LITAF: variants seen among roughly 807,000 people sequenced by gnomAD.
LITAF encodes the protein lipopolysaccharide induced TNF factor, also known as lipopolysaccharide-induced tumor necrosis factor-alpha factor.
LITAF carries 9 observed loss-of-function variants against 14.5 expected under a neutral mutation model. The observed-to-expected ratio is 0.62, with a 90% CI of 0.37 to 1.08. The LOEUF is 1.08. Ranked by LOEUF, LITAF falls within the 50% of genes least tolerant of loss-of-function variation. LITAF has a pLI of 0.01. For synonymous variants in LITAF, 98 were observed against 88.2 expected, an observed-to-expected ratio of 1.11 and a Z score of -0.62; for missense variants, 206 against 213.4, an observed-to-expected ratio of 0.97 and a Z score of 0.22.
chr16:11,605,066 G>A lies in LITAF; in HGVS notation c.85+28467C>T, dbSNP rs1356027052. Among the ~76,000 whole-genome samples the A allele has an allele frequency of 2.0e-5, 3 of 152,158 alleles. No individual in the cohort carries two copies. The highest frequency in any genetic ancestry group is 4.8e-5 in the African/African-American group (2 of 41,436). On this transcript the variant is annotated intron_variant, in intron 3 of 3. Coordinates refer to the LITAF transcript ENST00000574848. This position sits in a 1 kb window ranked among gnomAD's most constrained non-coding sequence, Gnocchi z 4.7. The stretch of plus-strand genomic sequence containing the variant: ...CGGCCAGGACCACTGCTGGACGTGG[G>A]GCACTTGAATGGGTCCCTCACCCGT...
chr16:11,588,582 A>T (rs1466094155), upstream of LITAF, among the ~76,000 whole-genome samples: 1 of 133,346 alleles, frequency 7.5e-6, no homozygotes, highest in African/African-American at 2.6e-5. Flanking sequence ...AAGAAAGAGA[A>T]GGAAAGAAGG....
At chr16:11,571,118 A>G (rs1387469566) in intron 1 of LITAF, among the ~76,000 whole-genome samples, 14 of 151,996 alleles carry the variant, frequency 9.2e-5, no homozygotes, top group Non-Finnish European at 8.8e-5. Flanking sequence ...CCCAGGCTGG[A>G]GTGTAGTAGT....
At chr16:11,581,305 T>A (rs1006162337) in intron 1 of LITAF, among the ~76,000 whole-genome samples, 1 of 152,042 alleles carries the variant, frequency 6.6e-6, no homozygotes, top group South Asian at 2.1e-4. Flanking sequence ...TAAGGTGAAA[T>A]GGAATAGGCA....
chr16:11,569,649 CACCCAACTGTT>C (rs1313461730), intron 1 of LITAF, among the ~76,000 whole-genome samples: 3 of 152,190 alleles, frequency 2.0e-5, no homozygotes, highest in Non-Finnish European at 4.4e-5. Flanking sequence ...GTCAACTGAA[CACCCAACTGTT>C]ACTCAGAGTG....
chr16:11,633,265 A>G (rs1597378434), intron 3 of LITAF, among the ~76,000 whole-genome samples: 1 of 152,284 alleles, frequency 6.6e-6, no homozygotes, highest in Middle Eastern at 3.4e-3. Flanking sequence ...CAGGGCTCCA[A>G]TCTCAGCTCT....
At position 11,553,452 on chromosome 16, in the gene LITAF, T is replaced by C; in HGVS notation, c.377+81A>G. 2 of 1,420,460 alleles carry C rather than the reference T, an allele frequency of 1.4e-6. No homozygotes were observed. Among genetic ancestry groups the C allele is most frequent in the South Asian group, 1.2e-5 (1 of 85,444 alleles). The allele number at this position is 1,420,460 out of a possible 1,614,324, so 88.0% of individuals were successfully genotyped here. ...AATGTCTGGCCCTGAATGTCAAGCA[T>C]GGTGCAGTTGAGAACCCACCCCCGC... On this transcript the variant is annotated intron_variant, in intron 3 of 3. Transcript: ENST00000622633. This position sits in a 1 kb window ranked among gnomAD's most constrained non-coding sequence, Gnocchi z 7.7.
At chr16:11,557,384 G>A (rs540070289) in intron 1 of LITAF, among the ~76,000 whole-genome samples, 1 of 152,124 alleles carries the variant, frequency 6.6e-6, no homozygotes, top group Admixed American at 6.6e-5. Context: ...GGTATGTTCA[G>A]TCTGTAAAAA....
chr16:11,597,344 G>A (rs768959056), intron 1 of LITAF, among the ~76,000 whole-genome samples: 3 of 152,136 alleles, frequency 2.0e-5, no homozygotes, highest in African/African-American at 7.2e-5. Flanking sequence ...ACCCACTGGG[G>A]GTGTGGGGAG....
intron 1 of LITAF, among the ~76,000 whole-genome samples, chr16:11,573,997 C>T (rs959568509): frequency 1.9e-4 from 26 of 133,616 alleles, no homozygotes; most frequent in Non-Finnish European, 9.7e-5. Flanking sequence ...CCAAGGTGCC[C>T]GGCGTTTTTT....
At chr16:11,607,119 A>G (rs2064958905) in intron 3 of LITAF, among the ~76,000 whole-genome samples, 1 of 152,204 alleles carries the variant, frequency 6.6e-6, no homozygotes, top group Non-Finnish European at 1.5e-5. Context: ...TTCCACTGCT[A>G]TTCTGAACTG....
chr16:11,612,534 C>A (rs1013497917), intron 3 of LITAF, among the ~76,000 whole-genome samples: 2 of 152,226 alleles, frequency 1.3e-5, no homozygotes, highest in African/African-American at 4.8e-5. Context: ...GAGCAAACTG[C>A]ACTGCATGCG....
At chr16:11,598,963 G>A (rs11075002), upstream of LITAF, among the ~76,000 whole-genome samples, 16,839 of 150,000 alleles carry the variant, frequency 0.11, 1,716 homozygotes, top group African/African-American at 0.27. Flanking sequence ...GGGATTACAG[G>A]CACCCGCCAC....
rs747677993 is a variant in LITAF, at chr16:11,553,956, C to T, written c.221-267G>A. Reference sequence around the variant, plus strand: ...GCCTCAAAAAGAAAGGAGGACCGGGCGCGGTAGCTCATGCCTGTAATCCCA... The same window carrying T: ...GCCTCAAAAAGAAAGGAGGACCGGGTGCGGTAGCTCATGCCTGTAATCCCA... On this transcript the variant is annotated intron_variant, in intron 2 of 3. Coordinates refer to ENST00000622633, the MANE Select transcript of LITAF (RefSeq NM_001136472.2). This position sits in a 1 kb window ranked among gnomAD's most constrained non-coding sequence, Gnocchi z 7.7. Among the ~76,000 whole-genome samples, 15 of 152,144 alleles carry T rather than the reference C, an allele frequency of 9.9e-5. No homozygotes were observed. Among genetic ancestry groups the T allele is most frequent in the Non-Finnish European group, 1.9e-4 (13 of 68,038 alleles).
chr16:11,602,492 C>T (rs182562784), upstream of LITAF, among the ~76,000 whole-genome samples: 12 of 152,294 alleles, frequency 7.9e-5, 1 homozygote, highest in Non-Finnish European at 1.3e-4. Flanking sequence ...GACAGGGAGT[C>T]GTGAACAGCT....
intron 3 of LITAF, among the ~76,000 whole-genome samples, chr16:11,630,619 C>T (rs1222460161): frequency 6.8e-6 from 1 of 147,726 alleles, no homozygotes; most frequent in African/African-American, 2.5e-5. Flanking sequence ...CATTCTGTCA[C>T]CTAGGCTGGA....
At chr16:11,585,188 G>A (rs369859156) in intron 1 of LITAF, among the ~76,000 whole-genome samples, 8 of 146,626 alleles carry the variant, frequency 5.5e-5, no homozygotes, top group East Asian at 2.0e-4. Flanking sequence ...AGCCGAGATC[G>A]CACCACTGCA....
In LITAF at chr16:11,549,655, G is replaced by A. The variant is rs774123275; in HGVS notation, c.468C>T (p.Gly156=). The change falls in exon 4 of 4, where the codon GGC becomes GGT. Residue 156 remains glycine, a synonymous_variant. Transcript: ENST00000622633. The surrounding 1 kb of genome is among the most constrained non-coding windows in gnomAD (Gnocchi z 4.6). ...CTGAGTCCTACAAACGCTTGTAGGT[G>A]CCCAGGAGAGCTCTGCAGTTGGGAC... ...HYCPNCRALL[G]TYKRL is the part of the protein sequence containing the mutation. The A allele has an allele frequency of 6.8e-6, 11 of 1,613,044 alleles. No homozygotes were observed. Among genetic ancestry groups the A allele is most frequent in the South Asian group, 5.5e-5 (5 of 90,862 alleles).
At chr16:11,613,083 A>T (rs1294597043) in intron 3 of LITAF, among the ~76,000 whole-genome samples, 2 of 152,094 alleles carry the variant, frequency 1.3e-5, no homozygotes, top group Admixed American at 6.6e-5. Flanking sequence ...TCTGTTGCCC[A>T]GGCTGGAGTG....
chr16:11,617,169 G>A (rs1259798804), intron 3 of LITAF, among the ~76,000 whole-genome samples: 2 of 151,940 alleles, frequency 1.3e-5, no homozygotes, highest in African/African-American at 2.4e-5. Flanking sequence ...GCAGTGAGCC[G>A]AGCTCACACG....
Sources: allele counts gnomAD v4.1 joint callset (sites outside exome capture counted in the v4.1 genomes callset), GRCh38; gene constraint gnomAD v4.1.1; non-coding constraint Gnocchi (gnomAD v3.1); transcripts MANE v1.5; gene names NCBI Gene and HGNC (gene_info 2026-07-23, HGNC 2026-07-21).